NALF1: variants seen among roughly 807,000 people sequenced by gnomAD.
NALF1 encodes the protein NALCN channel auxiliary factor 1, also known as family with sequence similarity 155 member A.
A neutral mutation model predicts 48.4 loss-of-function variants in NALF1; 3 were observed. That is an observed-to-expected ratio of 0.06 (90% CI 0.03 to 0.16). NALF1 has a LOEUF of 0.16. Among genes scored for constraint, NALF1 ranks in the 10% least tolerant of loss-of-function variants. NALF1 has a pLI of 1.00. For synonymous variants in NALF1, 262 were observed against 245.7 expected, an observed-to-expected ratio of 1.07 and a Z score of -0.62; for missense variants, 526 against 571.5, an observed-to-expected ratio of 0.92 and a Z score of 0.81.
intron 1 of NALF1, among the ~76,000 whole-genome samples, chr13:107,407,010 G>A (rs1035030380): frequency 6.6e-6 from 1 of 151,892 alleles, no homozygotes; most frequent in Non-Finnish European, 1.5e-5. Flanking sequence ...AGAACATACA[G>A]TCTGGAAAAG....
At chr13:107,199,992 T>A (rs994916213) in intron 2 of NALF1, among the ~76,000 whole-genome samples, 7 of 152,210 alleles carry the variant, frequency 4.6e-5, no homozygotes, top group Non-Finnish European at 7.3e-5. Context: ...TACTCACTAA[T>A]GAACTCATCC....
intron 1 of NALF1, among the ~76,000 whole-genome samples, chr13:107,319,661 A>T (rs1882217079): frequency 6.6e-6 from 1 of 152,128 alleles, no homozygotes; most frequent in African/African-American, 2.4e-5. Context: ...AGGTTCTAAT[A>T]CTCTCAACTT....
At chr13:107,370,144 A>T (rs972977753) in intron 1 of NALF1, among the ~76,000 whole-genome samples, 2 of 149,332 alleles carry the variant, frequency 1.3e-5, no homozygotes, top group South Asian at 4.3e-4. Context: ...GGAAAAAAAA[A>T]TACCTCTACT....
At chr13:107,355,197 G>A (rs1164402727) in intron 1 of NALF1, among the ~76,000 whole-genome samples, 1 of 152,162 alleles carries the variant, frequency 6.6e-6, no homozygotes, top group African/African-American at 2.4e-5. Flanking sequence ...TCTGCACAAC[G>A]AGGTCTGCAA....
intron 1 of NALF1, among the ~76,000 whole-genome samples, chr13:107,478,565 T>C (rs2139058680): frequency 6.6e-6 from 1 of 152,236 alleles, no homozygotes; most frequent in South Asian, 2.1e-4. Context: ...ACTATTTTCA[T>C]AGTACGGATT....
At chr13:107,384,389 C>T (rs1883491275) in intron 1 of NALF1, among the ~76,000 whole-genome samples, 1 of 152,166 alleles carries the variant, frequency 6.6e-6, no homozygotes, top group Non-Finnish European at 1.5e-5. Context: ...TTTTGCTTTT[C>T]ATACAGTCTG....
intron 1 of NALF1, among the ~76,000 whole-genome samples, chr13:107,721,716 C>A (rs1875991243): frequency 1.3e-5 from 2 of 152,094 alleles, no homozygotes; most frequent in South Asian, 2.1e-4. Flanking sequence ...CTGGGGAGAT[C>A]CCCCATTTGC....
At chr13:107,709,815 C>A (rs955463494) in intron 1 of NALF1, among the ~76,000 whole-genome samples, 1 of 152,154 alleles carries the variant, frequency 6.6e-6, no homozygotes, top group Non-Finnish European at 1.5e-5. Context: ...GCTAAGATGA[C>A]GATCTCAAAC....
chr13:107,339,335 T>C (rs1380923148), intron 1 of NALF1, among the ~76,000 whole-genome samples: 1 of 152,084 alleles, frequency 6.6e-6, no homozygotes, highest in Non-Finnish European at 1.5e-5. Context: ...AAAGCAAAGG[T>C]GCTGGGTGGT....
chr13:107,374,987 G>A (rs1377284958), intron 1 of NALF1, among the ~76,000 whole-genome samples: 1 of 152,128 alleles, frequency 6.6e-6, no homozygotes, highest in Non-Finnish European at 1.5e-5. Flanking sequence ...GACTAAGAGA[G>A]TATCCTCCAC....
Position 107,170,333 on chromosome 13 carries a change from G to A in NALF1, c.*164C>T. ...AGCCTTTTAGTCAATAAAAAGCTGT[G>A]GTTGTGTCCTTGTTTGGATTCAGGC... On this transcript the variant is annotated 3_prime_UTR_variant, in exon 3 of 3. Transcript: ENST00000375915. 1.7e-6 allele frequency: 1 copy of A among 591,984 alleles called. No homozygotes were observed. The allele number at this position is 591,984 out of a possible 1,614,324, so 36.7% of individuals were successfully genotyped here. A position where few individuals can be genotyped will look rare whatever the true frequency, so the allele number is the denominator to read the frequency against.
chr13:107,797,447 G>C (rs2138592998), intron 1 of NALF1, among the ~76,000 whole-genome samples: 1 of 152,264 alleles, frequency 6.6e-6, no homozygotes, highest in East Asian at 1.9e-4. Context: ...CTGACCTCAT[G>C]ATCCGCCTGC....
At chr13:107,656,136 CAAA>C (rs200501399) in intron 1 of NALF1, among the ~76,000 whole-genome samples, 2 of 122,694 alleles carry the variant, frequency 1.6e-5, no homozygotes, top group African/African-American at 3.0e-5. Context: ...AAGGCAAATG[CAAA>C]AAAAAAAAAG....
chr13:107,176,202 C>T (rs1411590501), intron 2 of NALF1, among the ~76,000 whole-genome samples: 1 of 151,930 alleles, frequency 6.6e-6, no homozygotes, highest in African/African-American at 2.4e-5. Flanking sequence ...AAAACAAAAG[C>T]AAATTTTCCG....
rs1483095296 is a variant in NALF1, at chr13:107,163,654, T to A, written c.*6843A>T. On this transcript the variant is annotated 3_prime_UTR_variant, in exon 3 of 3. Coordinates refer to ENST00000375915, the MANE Select transcript of NALF1 (RefSeq NM_001080396.3). ...TCTTAGTCTCTCATAATTAACTGGT[T>A]TTAGTACTTTTATTCCGTGTTCATA... The A allele has an allele frequency of 6.6e-6, 1 of 152,198 alleles. No homozygotes were observed. Among genetic ancestry groups the A allele is most frequent in the Non-Finnish European group, 1.5e-5 (1 of 68,038 alleles). 9.4% of individuals were successfully genotyped at this position (152,198 alleles called of 1,614,324 possible). A position where few individuals can be genotyped will look rare whatever the true frequency, so the allele number is the denominator to read the frequency against.
intron 1 of NALF1, among the ~76,000 whole-genome samples, chr13:107,453,157 A>G (rs1884770551): frequency 1.3e-5 from 2 of 152,174 alleles, no homozygotes; most frequent in African/African-American, 4.8e-5. Flanking sequence ...TGGGGTATGC[A>G]GCATGGTGGC....
chr13:107,412,669 T>TTTCC (rs1348167510), intron 1 of NALF1, among the ~76,000 whole-genome samples: 2 of 152,234 alleles, frequency 1.3e-5, no homozygotes, highest in Non-Finnish European at 2.9e-5. Context: ...ATGTTATGGC[T>TTTCC]GTAACACAGC....
At chr13:107,509,098 G>T (rs1321815521) in intron 1 of NALF1, among the ~76,000 whole-genome samples, 2 of 152,068 alleles carry the variant, frequency 1.3e-5, no homozygotes, top group Admixed American at 1.3e-4. Flanking sequence ...ATTTCAAACA[G>T]AAATTGGCTC....
intron 1 of NALF1, among the ~76,000 whole-genome samples, chr13:107,854,387 T>C (rs890503364): frequency 6.6e-6 from 1 of 152,236 alleles, no homozygotes; most frequent in African/African-American, 2.4e-5. Flanking sequence ...AAGGCATACC[T>C]GCCTGACAAC....
Sources: allele counts gnomAD v4.1 joint callset (sites outside exome capture counted in the v4.1 genomes callset), GRCh38; gene constraint gnomAD v4.1.1; transcripts MANE v1.5; gene names NCBI Gene and HGNC (gene_info 2026-07-23, HGNC 2026-07-21).